SNPH: variants seen among roughly 807,000 people sequenced by gnomAD.
SNPH encodes syntaphilin.
Under a neutral mutation model 36.8 loss-of-function variants are expected in SNPH, and 10 were observed. The ratio of observed to expected loss-of-function variants is 0.27; its 90% CI spans 0.17 to 0.46. The LOEUF (loss-of-function observed/expected upper bound fraction) is 0.46. SNPH is among the 20% of genes least tolerant of loss of function. The pLI is 1.00. For missense variants in SNPH, 622 were observed against 744.0 expected (o/e 0.84, Z 1.91); for synonymous variants, 281 against 312.2 (o/e 0.90, Z 1.05).
intron 2 of SNPH, among the ~76,000 whole-genome samples, chr20:1,267,356 G>A (rs1320895622): frequency 6.6e-6 from 1 of 152,160 alleles, no homozygotes; most frequent in African/African-American, 2.4e-5. Flanking sequence ...CTAGCCTGGG[G>A]AGCCCCATAT....
At chr20:1,300,158 C>G (rs1284900774) in intron 5 of SNPH, among the ~76,000 whole-genome samples, 1 of 152,186 alleles carries the variant, frequency 6.6e-6, no homozygotes, top group Non-Finnish European at 1.5e-5. Flanking sequence ...CCGGGATTGT[C>G]TGAGGGGCTC....
Position 1,266,646 on chromosome 20 carries a change from C to A in SNPH, c.-599-8C>A. 1 of 1,487,534 alleles carries A rather than the reference C, an allele frequency of 6.7e-7. No homozygotes were observed. Among genetic ancestry groups the A allele is most frequent in the Non-Finnish European group, 8.9e-7 (1 of 1,121,364 alleles). The allele number at this position is 1,487,534 out of a possible 1,614,324, so 92.1% of individuals were successfully genotyped here. On this transcript the variant is annotated splice_region_variant and splice_polypyrimidine_tract_variant and intron_variant, in intron 1 of 6. Transcript: ENST00000381867. The surrounding 1 kb of genome is among the most constrained non-coding windows in gnomAD (Gnocchi z 6.0). ...GCCCCGGTCTATCTCTTTTTCCTAA[C>A]CCCGCAGGTCGCTGATCAGGGCCAG... is the stretch of plus-strand genomic sequence containing the variant.
chr20:1,304,964 A>G lies in SNPH; in HGVS notation c.527A>G (p.Gln176Arg). 6.2e-7 allele frequency: 1 copy of G among 1,613,950 alleles called. No homozygotes were observed. The highest frequency in any genetic ancestry group is 8.5e-7 in the Non-Finnish European group (1 of 1,180,032). ...GAGGAGTGCCACCGCGTGGAGGCCC[A>G]GCTGGCCCTGAAGGAGGCCCGAAAG... ...IEEECHRVEA[Q>R]LALKEARKEI... is the part of the protein sequence containing the mutation. Residue 176 changes from glutamine to arginine, a missense_variant, in exon 7 of 7, where the codon CAG becomes CGG. Physicochemically the swap from Gln to Arg is conservative, Grantham distance 43. Transcript: ENST00000381867. The surrounding 1 kb of genome is among the most constrained non-coding windows in gnomAD (Gnocchi z 4.3).
At position 1,307,530 on chromosome 20, in the gene SNPH, G is replaced by A. The variant is rs1478023379; in HGVS notation, c.*1476G>A. 1 of 152,434 alleles carries A rather than the reference G, an allele frequency of 6.6e-6. No individual in the cohort carries two copies. The highest frequency in any genetic ancestry group is 1.5e-5 in the Non-Finnish European group (1 of 68,110). 9.4% of individuals were successfully genotyped at this position (152,434 alleles called of 1,614,324 possible). A position where few individuals can be genotyped will look rare whatever the true frequency, so the allele number is the denominator to read the frequency against. ...CAGAGGCTAGGCCCCACCTCTGGGG[G>A]TTGGAGGGACCCTGTGTCTTACTCG... On this transcript the variant is annotated 3_prime_UTR_variant, in exon 7 of 7. Coordinates refer to ENST00000381867, the MANE Select transcript of SNPH (RefSeq NM_001318234.2).
chr20:1,282,083 G>T (rs1421951592), intron 2 of SNPH, among the ~76,000 whole-genome samples: 1 of 152,234 alleles, frequency 6.6e-6, no homozygotes, highest in African/African-American at 2.4e-5. Flanking sequence ...CTTTGGCTAA[G>T]TGCTGGTGGT....
chr20:1,277,854 C>A (rs1335600284), intron 2 of SNPH, among the ~76,000 whole-genome samples: 6 of 93,096 alleles, frequency 6.4e-5, no homozygotes, highest in East Asian at 4.2e-4. Flanking sequence ...TGTGTGTGTC[C>A]GTGTGTGTGC....
rs1479905737 is a variant in SNPH at position 1,305,332 on chromosome 20, A to G, written c.895A>G (p.Thr299Ala). The change falls in exon 7 of 7, where the codon ACG becomes GCG. Residue 299 changes from threonine to alanine, a missense_variant. By Grantham distance (58) the Thr-to-Ala change is moderately conservative. Around this residue, in one of 3 missense-constraint regions of SNPH, gnomAD observed 379 missense variants for 427.9 expected, o/e 0.89. Coordinates refer to ENST00000381867, the MANE Select transcript of SNPH (RefSeq NM_001318234.2). ...AGCAGCCGATGACACACTGAGCCGG[A>G]CGGACGCGCTGGAAGCCAGCAGCCT... ...FAAADDTLSR[T>A]DALEASSLLS... is the part of the protein sequence containing the mutation. 2 of 1,611,022 alleles carry G rather than the reference A, an allele frequency of 1.2e-6. No homozygotes were observed. The highest frequency in any genetic ancestry group is 1.7e-6 in the Non-Finnish European group (2 of 1,179,596).
rs79058087 is a variant in SNPH at position 1,293,215 on chromosome 20, A to G, written c.-492-1736A>G. ...ATTGACTTCTGCAGTCATTAGTCTC[A>G]TGCTCCCTGGACCCCCATTGTCGGG... On this transcript the variant is annotated intron_variant, in intron 2 of 6. Transcript: ENST00000381867. Among the ~76,000 whole-genome samples the G allele has an allele frequency of 6.0e-3, 921 of 152,248 alleles. 8 individuals are homozygous for G. Among genetic ancestry groups the G allele is most frequent in the African/African-American group, 0.021 (856 of 41,556 alleles).
chr20:1,304,992 G>A lies in SNPH; in HGVS notation c.555G>A (p.Glu185=), dbSNP rs1353041335. 3 of 1,613,940 alleles carry A rather than the reference G, an allele frequency of 1.9e-6. No homozygotes were observed. Among genetic ancestry groups the A allele is most frequent in the Non-Finnish European group, 2.5e-6 (3 of 1,180,054 alleles). Residue 185 remains glutamate (E), a synonymous_variant, in exon 7 of 7, where the codon GAG becomes GAA. Coordinates refer to ENST00000381867, the MANE Select transcript of SNPH (RefSeq NM_001318234.2). The surrounding 1 kb of genome is among the most constrained non-coding windows in gnomAD (Gnocchi z 4.3). The part of the protein sequence containing the change: ...AQLALKEARK[E]IKQLKQVIDT... ...TGGCCCTGAAGGAGGCCCGAAAGGA[G>A]ATCAAGCAGCTCAAGCAGGTCATCG...
At chr20:1,295,168 C>T (rs1282464683) in intron 3 of SNPH, among the ~76,000 whole-genome samples, 190 bp downstream of exon 3, 5 of 152,176 alleles carry the variant, frequency 3.3e-5, no homozygotes, top group Non-Finnish European at 5.9e-5. Context: ...AGGACCAGCA[C>T]ATTGGCTGCA....
chr20:1,305,418 G>T lies in SNPH; in HGVS notation c.981G>T (p.Leu327=), dbSNP rs1306023753. Residue 327 remains leucine (L), a synonymous_variant, in exon 7 of 7, where the codon CTG becomes CTT. Coordinates refer to ENST00000381867, the MANE Select transcript of SNPH (RefSeq NM_001318234.2). ...EETSLHSSFG[L]GPRFPASNTY... is the part of the protein sequence containing the mutation. ...CCTCGCTGCACAGCTCCTTCGGCCT[G>T]GGCCCCCGCTTCCCTGCCAGCAACA... is the stretch of plus-strand genomic sequence containing the variant. 3 of 1,612,972 alleles carry T rather than the reference G, an allele frequency of 1.9e-6. No individual in the cohort carries two copies. In the Admixed American group the frequency reaches 5.0e-5, roughly 27 times the overall value.
chr20:1,281,140 C>G (rs532752399), intron 2 of SNPH, among the ~76,000 whole-genome samples: 1 of 152,326 alleles, frequency 6.6e-6, no homozygotes, highest in South Asian at 2.1e-4. Flanking sequence ...CATCACAATT[C>G]TTCCCTTTCC....
chr20:1,267,105 G>A (rs1428590127), intron 2 of SNPH, among the ~76,000 whole-genome samples: 1 of 152,032 alleles, frequency 6.6e-6, no homozygotes, highest in African/African-American at 2.4e-5. Flanking sequence ...CTTGGAGGAG[G>A]AGCAGGGGTA....
rs185148336 is a variant in SNPH at position 1,272,039 on chromosome 20, G to T, written c.-493+5279G>T. Among the ~76,000 whole-genome samples, 153 of 152,262 alleles carry T rather than the reference G, an allele frequency of 1.0e-3. 1 individual carries two copies. Among genetic ancestry groups the T allele is most frequent in the African/African-American group, 3.5e-3 (147 of 41,544 alleles). On this transcript the variant is annotated intron_variant, in intron 2 of 6. Transcript: ENST00000381867. The stretch of plus-strand genomic sequence containing the variant: ...CATCACTATCATAAAATAAGAGAAA[G>T]AACATTTTAATATTTCTATTCCCCC...
intron 6 of SNPH, among the ~76,000 whole-genome samples, chr20:1,301,366 C>T (rs899327581): frequency 2.0e-5 from 3 of 152,314 alleles, no homozygotes; most frequent in South Asian, 4.1e-4. Context: ...CACTTCAGGG[C>T]GTCGATCTCC....
At chr20:1,303,692 G>A (rs929464971) in intron 6 of SNPH, among the ~76,000 whole-genome samples, 2 of 152,166 alleles carry the variant, frequency 1.3e-5, no homozygotes, top group African/African-American at 2.4e-5. Flanking sequence ...GCGTATTGTG[G>A]AATGAGATTC....
At chr20:1,277,097 T>A (rs2088140809) in intron 2 of SNPH, among the ~76,000 whole-genome samples, 1 of 152,160 alleles carries the variant, frequency 6.6e-6, no homozygotes, top group African/African-American at 2.4e-5. Flanking sequence ...GGAATCTGGC[T>A]GGGATATTAG....
In SNPH at chr20:1,266,488, G is replaced by A; in HGVS notation, c.-600+91G>A. Reference sequence around the variant, plus strand: ...GCCGAGTGCCAGGGGGTGGGGTGGGGGCCGCGGGCCGCGAGGAGGAGGGGA... The same window carrying A: ...GCCGAGTGCCAGGGGGTGGGGTGGGAGCCGCGGGCCGCGAGGAGGAGGGGA... On this transcript the variant is annotated intron_variant, in intron 1 of 6. Transcript: ENST00000381867. This position sits in a 1 kb window ranked among gnomAD's most constrained non-coding sequence, Gnocchi z 6.0. 6.6e-6 allele frequency: 7 copies of A among 1,052,888 alleles called. No homozygotes were observed. Among genetic ancestry groups the A allele is most frequent in the Non-Finnish European group, 6.4e-6 (5 of 786,620 alleles). The allele number at this position is 1,052,888 out of a possible 1,614,324, so 65.2% of individuals were successfully genotyped here. A position where few individuals can be genotyped will look rare whatever the true frequency, so the allele number is the denominator to read the frequency against.
Position 1,266,557 on chromosome 20 carries a change from C to A in SNPH, c.-599-97C>A. ...GCCTGCCCTCCAAGCCTTCTGGCTGCAGCGGCCCAGCTGTCAGCGGCCGGG... is the reference window on the plus strand; with the variant it reads ...GCCTGCCCTCCAAGCCTTCTGGCTGAAGCGGCCCAGCTGTCAGCGGCCGGG... On this transcript the variant is annotated intron_variant, in intron 1 of 6. Transcript: ENST00000381867. This position sits in a 1 kb window ranked among gnomAD's most constrained non-coding sequence, Gnocchi z 6.0. The A allele has an allele frequency of 7.3e-7, 1 of 1,377,598 alleles. No homozygotes were observed. The highest frequency in any genetic ancestry group is 1.8e-5 in the South Asian group (1 of 55,978). The allele number at this position is 1,377,598 out of a possible 1,614,324, so 85.3% of individuals were successfully genotyped here. A position where few individuals can be genotyped will look rare whatever the true frequency, so the allele number is the denominator to read the frequency against.
Sources: gnomAD v4.1 joint callset for allele counts (sites outside exome capture counted in the v4.1 genomes callset) on GRCh38, gnomAD v4.1.1 for gene constraint, gnomAD v4.1.1 regional missense constraint, Gnocchi (gnomAD v3.1) non-coding constraint, MANE v1.5 for transcripts, NCBI Gene and HGNC (gene_info 2026-07-23, HGNC 2026-07-21) for gene names.